The following ZNF804B variants were observed in gnomAD, a reference collection of about 807,000 sequenced individuals.
ZNF804B encodes zinc finger 804B.
A neutral mutation model predicts 101.4 loss-of-function variants in ZNF804B; 80 were observed. The observed-to-expected ratio is 0.79, with a 90% CI of 0.66 to 0.95. ZNF804B has a LOEUF of 0.95. ZNF804B is among the 40% of genes least tolerant of loss of function. ZNF804B has a pLI of 0.00. For missense variants in ZNF804B, 1,673 were observed against 1,561.9 expected (o/e 1.07, Z -1.20); for synonymous variants, 622 against 558.8 (o/e 1.11, Z -1.59).
intron 1 of ZNF804B, among the ~76,000 whole-genome samples, chr7:88,979,906 T>A (rs983210328): frequency 6.8e-6 from 1 of 147,866 alleles, no homozygotes; most frequent in African/African-American, 2.6e-5. Flanking sequence ...ATTCTTTTCT[T>A]TTTTTTTTCT....
At position 88,767,332 on chromosome 7, in the gene ZNF804B, C is replaced by T. The variant is rs929398396; in HGVS notation, c.108+7248C>T. Among the ~76,000 whole-genome samples, 8 of 152,336 alleles carry T rather than the reference C, an allele frequency of 5.3e-5. No homozygotes were observed. In the East Asian group the frequency reaches 1.4e-3, roughly 26 times the overall value. On this transcript the variant is annotated intron_variant, in intron 1 of 3. Coordinates refer to ENST00000333190, the MANE Select transcript of ZNF804B (RefSeq NM_181646.5). Reference sequence around the variant, plus strand: ...TGTTCTTCCCCTGCCCTTCTTCCCACAGCTATTACTCAGCACTTCACTTGT... The same window carrying T: ...TGTTCTTCCCCTGCCCTTCTTCCCATAGCTATTACTCAGCACTTCACTTGT...
intron 2 of ZNF804B, among the ~76,000 whole-genome samples, chr7:89,281,677 T>A (rs1790097234): frequency 6.6e-6 from 1 of 152,094 alleles, no homozygotes; most frequent in Non-Finnish European, 1.5e-5. Context: ...GAAATAAATA[T>A]CTCTGTAGAC....
intron 2 of ZNF804B, among the ~76,000 whole-genome samples, chr7:89,301,492 C>T (rs1032235398): frequency 2.6e-5 from 4 of 151,922 alleles, no homozygotes; most frequent in Middle Eastern, 3.4e-3. Context: ...GCCCACTATA[C>T]TCAGGACTAG....
chr7:88,990,406 GATAA>G (rs761292148), intron 1 of ZNF804B, among the ~76,000 whole-genome samples: 3 of 151,960 alleles, frequency 2.0e-5, no homozygotes, highest in Non-Finnish European at 2.9e-5. Context: ...TGGATATACA[GATAA>G]ATAGATATCC....
In ZNF804B at chr7:88,782,488, T is replaced by A. The variant is rs113277647; in HGVS notation, c.108+22404T>A. Among the ~76,000 whole-genome samples, 7 of 152,248 alleles carry A rather than the reference T, an allele frequency of 4.6e-5. 1 individual carries two copies. Among genetic ancestry groups the A allele is most frequent in the African/African-American group, 1.7e-4 (7 of 41,554 alleles). Reference sequence around the variant, plus strand: ...GTATATACGTGCACATGTATTTATATACACTAATATCTCCACCTCTATATA... The same window carrying A: ...GTATATACGTGCACATGTATTTATAAACACTAATATCTCCACCTCTATATA... On this transcript the variant is annotated intron_variant, in intron 1 of 3. Transcript: ENST00000333190.
At chr7:89,191,860 GT>G in intron 1 of ZNF804B, among the ~76,000 whole-genome samples, 1 of 152,044 alleles carries the variant, frequency 6.6e-6, no homozygotes, top group East Asian at 1.9e-4. Context: ...TAAACTGGAT[GT>G]TTTAGCAGTT....
intron 1 of ZNF804B, among the ~76,000 whole-genome samples, chr7:88,967,957 G>A (rs2116104597): frequency 6.6e-6 from 1 of 151,552 alleles, no homozygotes; most frequent in East Asian, 2.0e-4. Flanking sequence ...GCTGAGCAGG[G>A]TCTTTGGCTT....
At chr7:88,836,626 G>A (rs1334953921) in intron 1 of ZNF804B, among the ~76,000 whole-genome samples, 1 of 151,894 alleles carries the variant, frequency 6.6e-6, no homozygotes, top group African/African-American at 2.4e-5. Context: ...ATATAAAAAT[G>A]TATAAATGCA....
chr7:89,040,850 C>G (rs56153106), intron 1 of ZNF804B, among the ~76,000 whole-genome samples: 2 of 152,106 alleles, frequency 1.3e-5, no homozygotes, highest in Non-Finnish European at 2.9e-5. Context: ...GGTGTTGGGA[C>G]AGGGCCTAGA....
chr7:89,198,107 A>G (rs188619960), intron 1 of ZNF804B, among the ~76,000 whole-genome samples: 73 of 151,992 alleles, frequency 4.8e-4, no homozygotes, highest in Non-Finnish European at 6.0e-4. Flanking sequence ...AGATTATTAA[A>G]TCTTTGCAAA....
At chr7:89,280,126 A>T (rs1309303452) in intron 2 of ZNF804B, among the ~76,000 whole-genome samples, 1 of 152,212 alleles carries the variant, frequency 6.6e-6, no homozygotes, top group Non-Finnish European at 1.5e-5. Flanking sequence ...ACTTAACCAC[A>T]TGGAAACTGA....
chr7:88,835,224 G>T (rs556436301), intron 1 of ZNF804B, among the ~76,000 whole-genome samples: 1 of 151,956 alleles, frequency 6.6e-6, no homozygotes, highest in South Asian at 2.1e-4. Flanking sequence ...CCAAGATCAT[G>T]AAATCACTTT....
At chr7:88,813,396 G>A (rs896970558) in intron 1 of ZNF804B, among the ~76,000 whole-genome samples, 3 of 148,604 alleles carry the variant, frequency 2.0e-5, no homozygotes, top group African/African-American at 7.5e-5. Flanking sequence ...CAGCACTCCA[G>A]CCTGGGCCAA....
chr7:89,042,273 A>G (rs1789027261), intron 1 of ZNF804B, among the ~76,000 whole-genome samples: 2 of 152,186 alleles, frequency 1.3e-5, no homozygotes, highest in Admixed American at 1.3e-4. Flanking sequence ...CAGTGTTTCA[A>G]AATGCAATCA....
intron 1 of ZNF804B, among the ~76,000 whole-genome samples, chr7:89,093,617 C>G (rs1214457538): frequency 6.6e-6 from 1 of 152,172 alleles, no homozygotes; most frequent in Non-Finnish European, 1.5e-5. Flanking sequence ...CACACATTGC[C>G]CTGTTTGTAC....
chr7:88,819,726 G>C (rs1192139294), intron 1 of ZNF804B, among the ~76,000 whole-genome samples: 2 of 152,104 alleles, frequency 1.3e-5, no homozygotes, highest in African/African-American at 4.8e-5. Flanking sequence ...TGAATTGCTA[G>C]GTAGAAAGTC....
At chr7:89,218,604 T>C (rs976901205) in intron 2 of ZNF804B, among the ~76,000 whole-genome samples, 21 of 152,162 alleles carry the variant, frequency 1.4e-4, no homozygotes, top group African/African-American at 4.1e-4. Flanking sequence ...AAAATCCACA[T>C]ATAACTTTTG....
intron 1 of ZNF804B, among the ~76,000 whole-genome samples, chr7:89,010,313 C>G (rs1269619546): frequency 6.6e-6 from 1 of 152,104 alleles, no homozygotes; most frequent in Non-Finnish European, 1.5e-5. Flanking sequence ...GGAATTGTTT[C>G]TAGGATACTT....
chr7:89,063,424 T>C (rs1196644887), intron 1 of ZNF804B, among the ~76,000 whole-genome samples: 1 of 152,156 alleles, frequency 6.6e-6, no homozygotes, highest in Non-Finnish European at 1.5e-5. Context: ...AGCTCAAATG[T>C]AAATCAAACT....
Sources: gnomAD v4.1 joint callset for allele counts (sites outside exome capture counted in the v4.1 genomes callset) on GRCh38, gnomAD v4.1.1 for gene constraint, MANE v1.5 for transcripts, NCBI Gene and HGNC (gene_info 2026-07-23, HGNC 2026-07-21) for gene names.